Variants in PDE4D observed in about 807,000 individuals in gnomAD.
The protein encoded by PDE4D is phosphodiesterase 4D.
PDE4D carries 24 observed loss-of-function variants against 87.4 expected under a neutral mutation model. That is an observed-to-expected ratio of 0.27 (90% confidence interval 0.20 to 0.39). PDE4D has a LOEUF of 0.39. Among genes scored for constraint, PDE4D ranks in the 10% least tolerant of loss-of-function variants. The pLI is 1.00. For missense variants in PDE4D, 714 were observed against 1,041.0 expected (o/e 0.69, Z 4.32); for synonymous variants, 384 against 383.2 (o/e 1.00, Z -0.02).
chr5:59,997,961 G>A (rs923923612), intron 2 of PDE4D, among the ~76,000 whole-genome samples: 9 of 152,192 alleles, frequency 5.9e-5, no homozygotes, highest in African/African-American at 1.9e-4. Context: ...TGCCTGGAAT[G>A]AGAACAGCAG....
intron 1 of PDE4D, among the ~76,000 whole-genome samples, chr5:59,718,545 C>T (rs572915717): frequency 1.3e-5 from 2 of 152,244 alleles, no homozygotes; most frequent in South Asian, 2.1e-4. Flanking sequence ...ATCATTCAAA[C>T]GCACATAAAG....
intron 1 of PDE4D, among the ~76,000 whole-genome samples, chr5:60,319,070 T>C (rs1408348207): frequency 6.6e-6 from 1 of 152,268 alleles, no homozygotes; most frequent in Non-Finnish European, 1.5e-5. Flanking sequence ...GATAATACCC[T>C]GCAGAGTGTT....
chr5:59,151,271 G>A (rs1050687162), intron 5 of PDE4D, among the ~76,000 whole-genome samples: 1 of 152,118 alleles, frequency 6.6e-6, no homozygotes, highest in Admixed American at 6.5e-5. Flanking sequence ...GTGTTTCCAG[G>A]AAAAGTCACC....
chr5:60,080,722 G>A (rs188280061), intron 2 of PDE4D, among the ~76,000 whole-genome samples: 120 of 152,308 alleles, frequency 7.9e-4, no homozygotes, highest in Non-Finnish European at 1.4e-3. Context: ...GCAACTCAGG[G>A]ATGAAGCTGG....
intron 1 of PDE4D, among the ~76,000 whole-genome samples, chr5:60,368,413 G>T (rs1760734566): frequency 6.6e-6 from 1 of 152,200 alleles, no homozygotes; most frequent in African/African-American, 2.4e-5. Context: ...GGGGCAGGGA[G>T]GTTGGCAGGA....
intron 1 of PDE4D, chr5:59,275,337 C>T (rs1411972664): frequency 1.3e-6 from 2 of 1,593,996 alleles, no homozygotes; most frequent in Admixed American, 1.7e-5. Flanking sequence ...AAGAACGTTA[C>T]CAAACTGCCT....
chr5:60,051,368 T>A (rs1011143186), intron 2 of PDE4D, among the ~76,000 whole-genome samples: 1 of 152,058 alleles, frequency 6.6e-6, no homozygotes, highest in Admixed American at 6.6e-5. Context: ...AAATTAGAAC[T>A]CAGGATTAAG....
intron 1 of PDE4D, among the ~76,000 whole-genome samples, chr5:59,358,414 C>T (rs1417708445): frequency 2.0e-5 from 3 of 152,178 alleles, no homozygotes; most frequent in Non-Finnish European, 4.4e-5. Flanking sequence ...CCAAATTTCG[C>T]ATGAGCAAAA....
intron 1 of PDE4D, among the ~76,000 whole-genome samples, chr5:60,453,123 T>C (rs558712462): frequency 6.6e-6 from 1 of 152,156 alleles, no homozygotes; most frequent in Non-Finnish European, 1.5e-5. Flanking sequence ...GCAGCTCAGA[T>C]CAGCTCTTTA....
intron 1 of PDE4D, among the ~76,000 whole-genome samples, chr5:59,287,710 GAC>G (rs201410781): frequency 2.0e-4 from 29 of 143,770 alleles, no homozygotes; most frequent in East Asian, 1.8e-3. Context: ...AGGAAACAGA[GAC>G]ACACACAGAG....
At chr5:59,597,865 A>C (rs1021905584) in intron 1 of PDE4D, among the ~76,000 whole-genome samples, 6 of 152,000 alleles carry the variant, frequency 3.9e-5, no homozygotes, top group Non-Finnish European at 7.4e-5. Flanking sequence ...CATTTTACAC[A>C]CTCTTCCTTG....
chr5:59,838,243 G>A (rs1277961878), intron 1 of PDE4D, among the ~76,000 whole-genome samples: 2 of 151,980 alleles, frequency 1.3e-5, no homozygotes, highest in East Asian at 1.9e-4. Flanking sequence ...CCACCTCCAC[G>A]TGGCACTAAG....
intron 3 of PDE4D, among the ~76,000 whole-genome samples, chr5:59,899,169 C>T (rs1419992935): frequency 6.6e-6 from 1 of 152,106 alleles, no homozygotes; most frequent in Non-Finnish European, 1.5e-5. Context: ...CACATTTTAA[C>T]ATTATAATGA....
At chr5:59,923,514 G>C (rs1380952775) in intron 3 of PDE4D, among the ~76,000 whole-genome samples, 1 of 151,968 alleles carries the variant, frequency 6.6e-6, no homozygotes, top group Non-Finnish European at 1.5e-5. Flanking sequence ...AAGACAGAGA[G>C]AGAGACAGAC....
chr5:59,864,960 A>G (rs1185008100), intron 1 of PDE4D, among the ~76,000 whole-genome samples: 1 of 152,210 alleles, frequency 6.6e-6, no homozygotes, highest in Non-Finnish European at 1.5e-5. Context: ...AGCAGCAGAC[A>G]GTCTCAGTGA....
At chr5:59,206,711 T>A (rs968261640) in intron 2 of PDE4D, among the ~76,000 whole-genome samples, 2 of 152,196 alleles carry the variant, frequency 1.3e-5, no homozygotes, top group African/African-American at 4.8e-5. Flanking sequence ...TACCCTGGCA[T>A]GGAGTAGGTG....
At chr5:59,163,736 G>A (rs755338663) in intron 5 of PDE4D, among the ~76,000 whole-genome samples, 2 of 152,164 alleles carry the variant, frequency 1.3e-5, no homozygotes, top group Admixed American at 6.5e-5. Flanking sequence ...AGTGGCAACT[G>A]GGGTATATTC....
chr5:60,517,878 C>A (rs908856215), intron 1 of PDE4D, among the ~76,000 whole-genome samples: 2 of 152,224 alleles, frequency 1.3e-5, no homozygotes, highest in Non-Finnish European at 2.9e-5. Flanking sequence ...CTGAAACACA[C>A]CCCTTGCTTG....
At chr5:59,376,524 C>A (rs1211834175) in intron 1 of PDE4D, among the ~76,000 whole-genome samples, 1 of 151,924 alleles carries the variant, frequency 6.6e-6, no homozygotes, top group Non-Finnish European at 1.5e-5. Flanking sequence ...ACTGCTCAAA[C>A]AAATGAGAGA....
Sources: gnomAD v4.1 joint callset for allele counts (sites outside exome capture counted in the v4.1 genomes callset) on GRCh38, gnomAD v4.1.1 for gene constraint, MANE v1.5 for transcripts, NCBI Gene and HGNC (gene_info 2026-07-23, HGNC 2026-07-21) for gene names.